ZFAND3: variants seen among roughly 807,000 people sequenced by gnomAD.
ZFAND3 encodes zinc finger AN1-type containing 3.
Under a neutral mutation model 29.6 loss-of-function variants are expected in ZFAND3, and 10 were observed. The ratio of observed to expected loss-of-function variants is 0.34; its 90% CI spans 0.21 to 0.57. The LOEUF (loss-of-function observed/expected upper bound fraction) is 0.57, where lower values mean the gene tolerates loss of function less well. Ranked by LOEUF, ZFAND3 falls within the 20% of genes least tolerant of loss-of-function variation. ZFAND3 has a pLI of 0.86. For synonymous variants in ZFAND3, 128 were observed against 112.6 expected, an observed-to-expected ratio of 1.14 and a Z score of -0.87; for missense variants, 230 against 304.5, an observed-to-expected ratio of 0.76 and a Z score of 1.82.
chr6:37,878,062 A>G (rs1330894902), intron 1 of ZFAND3, among the ~76,000 whole-genome samples: 2 of 152,204 alleles, frequency 1.3e-5, no homozygotes, highest in Admixed American at 1.3e-4. Context: ...GGAGAGAAGT[A>G]GGCAGATTGG....
At chr6:38,099,842 G>A (rs1418045953) in intron 4 of ZFAND3, among the ~76,000 whole-genome samples, 1 of 152,156 alleles carries the variant, frequency 6.6e-6, no homozygotes, top group Non-Finnish European at 1.5e-5. Flanking sequence ...CAAAGATAGT[G>A]TTATTACATT....
chr6:37,929,900 A>T, intron 1 of ZFAND3, 59 bp from the exon 2 acceptor site: 2 of 1,507,824 alleles, frequency 1.3e-6, no homozygotes, highest in Non-Finnish European at 1.8e-6. Context: ...TTATGTTTTG[A>T]TTAGAGTGAT....
At chr6:38,135,332 G>T (rs1477251957) in intron 5 of ZFAND3, among the ~76,000 whole-genome samples, 1 of 152,236 alleles carries the variant, frequency 6.6e-6, no homozygotes, top group Non-Finnish European at 1.5e-5. Flanking sequence ...CATTGGAGAA[G>T]TGCCTAAAAT....
At chr6:38,096,697 C>G (rs1764987510) in intron 4 of ZFAND3, among the ~76,000 whole-genome samples, 1 of 151,984 alleles carries the variant, frequency 6.6e-6, no homozygotes, top group Non-Finnish European at 1.5e-5. Context: ...GTTGGAAGTG[C>G]TATTTTGATA....
At chr6:38,058,928 A>C (rs988691659) in intron 2 of ZFAND3, among the ~76,000 whole-genome samples, 1 of 152,178 alleles carries the variant, frequency 6.6e-6, no homozygotes, top group African/African-American at 2.4e-5. Flanking sequence ...AGCTATTCTT[A>C]CGCTGAGAAT....
chr6:38,093,376 A>G (rs1764911151), intron 4 of ZFAND3, among the ~76,000 whole-genome samples: 2 of 152,208 alleles, frequency 1.3e-5, no homozygotes, highest in African/African-American at 2.4e-5. Flanking sequence ...GTAGGAAGAA[A>G]ACTTGATTGA....
intron 5 of ZFAND3, among the ~76,000 whole-genome samples, chr6:38,151,358 C>T (rs779264808): frequency 1.1e-4 from 16 of 152,224 alleles, no homozygotes; most frequent in South Asian, 1.0e-3. Flanking sequence ...CAGCATCCTG[C>T]GCTTCTGGGA....
At position 38,010,011 on chromosome 6, in the gene ZFAND3, A is replaced by G. The variant is rs117227712; in HGVS notation, c.113-51582A>G. Among the ~76,000 whole-genome samples the G allele has an allele frequency of 6.6e-3, 1,009 of 152,336 alleles. 8 individuals carry two copies. The highest frequency in any genetic ancestry group is 0.017 in the Middle Eastern group (5 of 294). On this transcript the variant is annotated intron_variant, in intron 2 of 5. Transcript: ENST00000287218. ...TTCCTATGGCATATTTCTGGTCGCA[A>G]AAACATCACTAAATGTCTAAATAAA...
chr6:37,943,715 A>G (rs1581781021), intron 2 of ZFAND3, among the ~76,000 whole-genome samples: 1 of 152,176 alleles, frequency 6.6e-6, no homozygotes, highest in East Asian at 1.9e-4. Context: ...TAATCATGTG[A>G]TATTAGTAAA....
chr6:37,840,076 C>G (rs1290733398), intron 1 of ZFAND3, among the ~76,000 whole-genome samples: 1 of 151,614 alleles, frequency 6.6e-6, no homozygotes, highest in Non-Finnish European at 1.5e-5. Flanking sequence ...AGTTTTAGCT[C>G]TTATTTTACA....
chr6:38,042,611 G>A (rs1763813508), intron 2 of ZFAND3, among the ~76,000 whole-genome samples: 1 of 152,166 alleles, frequency 6.6e-6, no homozygotes, highest in Non-Finnish European at 1.5e-5. Context: ...ACTGCACCTG[G>A]TCGAGCTGCT....
chr6:37,911,885 A>G (rs1268223979), intron 1 of ZFAND3, among the ~76,000 whole-genome samples: 1 of 152,138 alleles, frequency 6.6e-6, no homozygotes, highest in Non-Finnish European at 1.5e-5. Flanking sequence ...CCTCACTAGC[A>G]TAGGTTACTA....
chr6:38,022,491 T>G (rs527610781), intron 2 of ZFAND3, among the ~76,000 whole-genome samples: 199 of 152,360 alleles, frequency 1.3e-3, no homozygotes, highest in Middle Eastern at 0.01. Context: ...TTTGCTGGTC[T>G]TTTAATAACA....
intron 2 of ZFAND3, among the ~76,000 whole-genome samples, chr6:38,025,323 C>T (rs1763426933): frequency 6.6e-6 from 1 of 152,190 alleles, no homozygotes; most frequent in South Asian, 2.1e-4. Flanking sequence ...GTGGTACTTT[C>T]ACCTCTTAAT....
intron 2 of ZFAND3, among the ~76,000 whole-genome samples, chr6:38,015,940 A>T (rs1472182468): frequency 3.3e-5 from 5 of 152,222 alleles, no homozygotes; most frequent in Non-Finnish European, 5.9e-5. Flanking sequence ...TAGTGGGTGC[A>T]GTTGTTGTGT....
At chr6:38,034,444 A>G (rs1366169479) in intron 2 of ZFAND3, among the ~76,000 whole-genome samples, 1 of 152,182 alleles carries the variant, frequency 6.6e-6, no homozygotes, top group African/African-American at 2.4e-5. Flanking sequence ...GGAAAAAAGT[A>G]TTTGCATTTC....
At chr6:37,831,006 A>G (rs1486570596) in intron 1 of ZFAND3, among the ~76,000 whole-genome samples, 4 of 152,034 alleles carry the variant, frequency 2.6e-5, no homozygotes, top group African/African-American at 9.7e-5. Context: ...CCGAAGATGA[A>G]GGGCATACTG....
chr6:38,112,720 G>A (rs937638535), intron 4 of ZFAND3, among the ~76,000 whole-genome samples: 9 of 152,070 alleles, frequency 5.9e-5, no homozygotes, highest in African/African-American at 1.9e-4. Context: ...CAAATGAATA[G>A]TTGAATTATT....
intron 2 of ZFAND3, among the ~76,000 whole-genome samples, chr6:38,054,589 G>A (rs1166614278): frequency 6.6e-6 from 1 of 152,126 alleles, no homozygotes; most frequent in Non-Finnish European, 1.5e-5. Flanking sequence ...GAATCGCCAT[G>A]AGAGGTTGGG....
Sources: allele counts gnomAD v4.1 joint callset (sites outside exome capture counted in the v4.1 genomes callset), GRCh38; gene constraint gnomAD v4.1.1; transcripts MANE v1.5; gene names NCBI Gene and HGNC (gene_info 2026-07-23, HGNC 2026-07-21).